Variants in SSBP2 observed in about 807,000 individuals in gnomAD.
SSBP2 encodes the protein single-stranded DNA-binding protein 2.
A neutral mutation model predicts 61.8 loss-of-function variants in SSBP2; 17 were observed. The observed-to-expected ratio is 0.28, with a 90% CI of 0.19 to 0.41. SSBP2 has a LOEUF of 0.41. Among genes scored for constraint, SSBP2 ranks in the 10% least tolerant of loss-of-function variants. The probability of loss-of-function intolerance (pLI) is 1.00; values close to 1 mark genes in which losing one functional copy is unlikely to be tolerated. For missense variants in SSBP2, 310 were observed against 458.7 expected (o/e 0.68, Z 2.96); for synonymous variants, 139 against 141.3 (o/e 0.98, Z 0.12).
At chr5:81,610,859 T>C (rs1412975815) in intron 4 of SSBP2, among the ~76,000 whole-genome samples, 1 of 152,144 alleles carries the variant, frequency 6.6e-6, no homozygotes, top group Non-Finnish European at 1.5e-5. Flanking sequence ...CCGGGCATGG[T>C]GGCACAGGCC....
At chr5:81,536,384 T>C (rs1303228419) in intron 4 of SSBP2, among the ~76,000 whole-genome samples, 5 of 152,042 alleles carry the variant, frequency 3.3e-5, no homozygotes, top group African/African-American at 1.2e-4. Flanking sequence ...ACTTGTGTCA[T>C]GGGGGTTCGT....
intron 1 of SSBP2, among the ~76,000 whole-genome samples, chr5:81,729,151 T>C (rs1270344101): frequency 6.6e-6 from 1 of 152,128 alleles, no homozygotes; most frequent in Non-Finnish European, 1.5e-5. Context: ...AAAATTATAA[T>C]GTTAATGGGT....
At chr5:81,733,992 G>C (rs915431267) in intron 1 of SSBP2, among the ~76,000 whole-genome samples, 1 of 152,042 alleles carries the variant, frequency 6.6e-6, no homozygotes, top group African/African-American at 2.4e-5. Flanking sequence ...GGTAACTACA[G>C]AAACAATCAG....
chr5:81,469,378 C>CT (rs950854195), intron 8 of SSBP2, among the ~76,000 whole-genome samples: 4 of 151,216 alleles, frequency 2.6e-5, no homozygotes, highest in Admixed American at 1.3e-4. Flanking sequence ...ACTGCTAACT[C>CT]TTTTTTTTTC....
intron 5 of SSBP2, among the ~76,000 whole-genome samples, chr5:81,495,031 T>A (rs974182817): frequency 6.6e-6 from 1 of 152,168 alleles, no homozygotes; most frequent in African/African-American, 2.4e-5. Context: ...TTCCTTTATT[T>A]CTTGTCCTTT....
At chr5:81,421,527 G>T (rs1429900222) in intron 16 of SSBP2, among the ~76,000 whole-genome samples, 1 of 152,092 alleles carries the variant, frequency 6.6e-6, no homozygotes, top group Non-Finnish European at 1.5e-5. Context: ...ATTTTTGCAC[G>T]TGAGTAGGAA....
intron 4 of SSBP2, among the ~76,000 whole-genome samples, chr5:81,578,408 T>C (rs1561559598): frequency 6.6e-6 from 1 of 151,938 alleles, no homozygotes; most frequent in African/African-American, 2.4e-5. Context: ...ACTGACCTAT[T>C]ACGTTAATTA....
chr5:81,449,539 A>T (rs910373789), intron 10 of SSBP2, among the ~76,000 whole-genome samples: 5 of 152,192 alleles, frequency 3.3e-5, no homozygotes, highest in African/African-American at 1.2e-4. Context: ...ACACCAATAG[A>T]TTACTCTCTA....
chr5:81,503,904 T>C (rs925118682), intron 5 of SSBP2, among the ~76,000 whole-genome samples: 9 of 152,086 alleles, frequency 5.9e-5, no homozygotes, highest in African/African-American at 2.2e-4. Flanking sequence ...AAATATCACA[T>C]ATTCTCCCTT....
chr5:81,742,654 T>A (rs907280444), intron 1 of SSBP2, among the ~76,000 whole-genome samples: 1 of 152,050 alleles, frequency 6.6e-6, no homozygotes, highest in Non-Finnish European at 1.5e-5. Context: ...GGCAGGTGGA[T>A]CATCTGAGGT....
At chr5:81,610,189 C>T (rs1745311807) in intron 4 of SSBP2, among the ~76,000 whole-genome samples, 1 of 152,158 alleles carries the variant, frequency 6.6e-6, no homozygotes, top group African/African-American at 2.4e-5. Flanking sequence ...GGCAGCACGG[C>T]TGAGCAAGAC....
chr5:81,538,710 C>A (rs1164169651), intron 4 of SSBP2, among the ~76,000 whole-genome samples: 2 of 152,182 alleles, frequency 1.3e-5, no homozygotes, highest in Non-Finnish European at 2.9e-5. Context: ...AATCCTATGG[C>A]CCTTCAGAAT....
chr5:81,682,845 A>G (rs1752498618), intron 1 of SSBP2, among the ~76,000 whole-genome samples: 1 of 152,172 alleles, frequency 6.6e-6, no homozygotes, highest in Non-Finnish European at 1.5e-5. Flanking sequence ...ATTAACAGAA[A>G]AAATCGCTTC....
intron 1 of SSBP2, among the ~76,000 whole-genome samples, chr5:81,741,463 A>G (rs1757019836): frequency 6.6e-6 from 1 of 152,208 alleles, no homozygotes; most frequent in African/African-American, 2.4e-5. Flanking sequence ...CTGTACAACT[A>G]AAAGTGGTTA....
chr5:81,742,975 G>A (rs1757127924), intron 1 of SSBP2, among the ~76,000 whole-genome samples: 1 of 152,166 alleles, frequency 6.6e-6, no homozygotes, highest in Non-Finnish European at 1.5e-5. Flanking sequence ...AGAAGGTTTA[G>A]GAGAAATAAT....
chr5:81,580,750 T>A (rs1239269905), intron 4 of SSBP2, among the ~76,000 whole-genome samples: 3 of 145,938 alleles, frequency 2.1e-5, no homozygotes, highest in Admixed American at 6.8e-5. Context: ...TCAGTGTAGG[T>A]AAAAAAAAAA....
At chr5:81,603,941 A>T (rs1264684459) in intron 4 of SSBP2, among the ~76,000 whole-genome samples, 1 of 152,162 alleles carries the variant, frequency 6.6e-6, no homozygotes, top group Admixed American at 6.5e-5. Flanking sequence ...TGAGCCTAAT[A>T]AGAAAATATA....
At chr5:81,734,982 A>G in intron 1 of SSBP2, among the ~76,000 whole-genome samples, 1 of 151,472 alleles carries the variant, frequency 6.6e-6, no homozygotes, top group East Asian at 1.9e-4. Context: ...AAAAAAAAAA[A>G]AAAAAAAAAA....
intron 4 of SSBP2, among the ~76,000 whole-genome samples, chr5:81,526,978 A>G (rs1489095796): frequency 6.6e-6 from 1 of 151,976 alleles, no homozygotes; most frequent in Non-Finnish European, 1.5e-5. Flanking sequence ...AAACAAAAAA[A>G]CAAAGAAAGA....
Sources: allele counts gnomAD v4.1 joint callset (sites outside exome capture counted in the v4.1 genomes callset), GRCh38; gene constraint gnomAD v4.1.1; transcripts MANE v1.5; gene names NCBI Gene and HGNC (gene_info 2026-07-23, HGNC 2026-07-21).